ADARB2: variants seen among roughly 807,000 people sequenced by gnomAD.
ADARB2 encodes the protein inactive double-stranded RNA-specific editase B2.
ADARB2 carries 25 observed loss-of-function variants against 62.2 expected under a neutral mutation model. The observed-to-expected ratio is 0.40, with a 90% CI of 0.29 to 0.56. ADARB2 has a LOEUF of 0.56. ADARB2 is among the 20% of genes least tolerant of loss of function. The pLI is 0.43. For missense variants in ADARB2, 1,071 were observed against 1,077.4 expected, an observed-to-expected ratio of 0.99 and a Z score of 0.08; for synonymous variants, 572 against 500.8, an observed-to-expected ratio of 1.14 and a Z score of -1.90.
chr10:1,726,393 A>G (rs1390833270), intron 1 of ADARB2, among the ~76,000 whole-genome samples: 3 of 152,084 alleles, frequency 2.0e-5, no homozygotes, highest in Non-Finnish European at 4.4e-5. Context: ...TGCTGTCTAC[A>G]TAGAAACAAG....
rs527263759 is a variant in ADARB2 at position 1,260,044 on chromosome 10, A to G, written c.1192+10911T>C. 7.1e-4 allele frequency among the ~76,000 whole-genome samples: 108 copies of G among 152,360 alleles called. 1 individual carries two copies. The highest frequency in any genetic ancestry group is 2.5e-3 in the African/African-American group (104 of 41,574). ...CCAGCATATAAACAGAACCAAAGGC[A>G]AAAACCACATGATTATCTCAATAGA... On this transcript the variant is annotated intron_variant, in intron 4 of 9. Transcript: ENST00000381312.
At chr10:1,375,864 GACAC>G (rs201916545) in intron 2 of ADARB2, among the ~76,000 whole-genome samples, 1 of 141,940 alleles carries the variant, frequency 7.0e-6, no homozygotes, top group Non-Finnish European at 1.5e-5. Flanking sequence ...ACATGCACAT[GACAC>G]ACATGCATGT....
At chr10:1,225,557 T>G (rs1830737528) in intron 6 of ADARB2, among the ~76,000 whole-genome samples, 1 of 152,232 alleles carries the variant, frequency 6.6e-6, no homozygotes, top group Non-Finnish European at 1.5e-5. Flanking sequence ...TACCGGTTGT[T>G]CCTTTCCATG....
intron 1 of ADARB2, among the ~76,000 whole-genome samples, chr10:1,438,371 G>GGACA (rs1345569660): frequency 4.4e-5 from 6 of 137,502 alleles, no homozygotes; most frequent in African/African-American, 1.8e-4. Context: ...CTCAGCAGAT[G>GGACA]GAAGGAGGTC....
intron 8 of ADARB2, among the ~76,000 whole-genome samples, chr10:1,191,073 T>A (rs573638924): frequency 6.9e-6 from 1 of 144,694 alleles, no homozygotes; most frequent in South Asian, 2.2e-4. Context: ...CTGAGTAGAA[T>A]GGGGGTTTGC....
chr10:1,501,714 G>T (rs1299394222), intron 1 of ADARB2, among the ~76,000 whole-genome samples: 1 of 152,202 alleles, frequency 6.6e-6, no homozygotes, highest in African/African-American at 2.4e-5. Context: ...AAACTAGCCA[G>T]GGGAATTTAT....
intron 1 of ADARB2, among the ~76,000 whole-genome samples, chr10:1,651,676 C>T (rs750930917): frequency 1.3e-5 from 2 of 152,228 alleles, no homozygotes; most frequent in African/African-American, 2.4e-5. Context: ...GGGCACATTT[C>T]GTGCAGAATA....
chr10:1,696,048 A>C (rs1421433697), intron 1 of ADARB2, among the ~76,000 whole-genome samples: 1 of 152,086 alleles, frequency 6.6e-6, no homozygotes, highest in Non-Finnish European at 1.5e-5. Context: ...GCACATATAC[A>C]TGCACACACA....
At chr10:1,528,034 C>T (rs925064978) in intron 1 of ADARB2, among the ~76,000 whole-genome samples, 3 of 152,208 alleles carry the variant, frequency 2.0e-5, no homozygotes, top group African/African-American at 7.2e-5. Flanking sequence ...ATTCTGCCTC[C>T]ATCAATAACA....
intron 1 of ADARB2, among the ~76,000 whole-genome samples, chr10:1,619,020 G>A (rs1233203606): frequency 6.6e-6 from 1 of 152,160 alleles, no homozygotes; most frequent in Non-Finnish European, 1.5e-5. Flanking sequence ...CTGGCTTGGA[G>A]GAATGAATGG....
intron 3 of ADARB2, among the ~76,000 whole-genome samples, chr10:1,273,164 C>T (rs191466240): frequency 4.6e-5 from 7 of 150,590 alleles, no homozygotes; most frequent in East Asian, 2.0e-4. Context: ...TCTCAGTCAC[C>T]GTCATGGGGT....
At chr10:1,244,845 G>A (rs1012038312) in intron 4 of ADARB2, among the ~76,000 whole-genome samples, 2 of 152,160 alleles carry the variant, frequency 1.3e-5, no homozygotes, top group Admixed American at 1.3e-4. Context: ...TCAGAGGCAC[G>A]GATAGGAAAG....
At chr10:1,320,363 TTAGG>T (rs1831784013) in intron 3 of ADARB2, among the ~76,000 whole-genome samples, 1 of 152,138 alleles carries the variant, frequency 6.6e-6, no homozygotes, top group Non-Finnish European at 1.5e-5. Context: ...TCATCCAGAT[TTAGG>T]GTCTGGTATC....
chr10:1,577,287 G>A (rs1354688160), intron 1 of ADARB2, among the ~76,000 whole-genome samples: 2 of 150,422 alleles, frequency 1.3e-5, no homozygotes, highest in Non-Finnish European at 3.0e-5. Context: ...CACAGAAGGT[G>A]GATGGAAAGA....
At chr10:1,213,179 G>A (rs2131751137) in intron 7 of ADARB2, among the ~76,000 whole-genome samples, 1 of 151,930 alleles carries the variant, frequency 6.6e-6, no homozygotes, top group Non-Finnish European at 1.5e-5. Context: ...AAGCAGACAA[G>A]GACAGAGATA....
chr10:1,558,785 C>A (rs1564330269), intron 1 of ADARB2, among the ~76,000 whole-genome samples: 1 of 152,194 alleles, frequency 6.6e-6, no homozygotes, highest in Non-Finnish European at 1.5e-5. Context: ...TCAGCCCCCG[C>A]ATGCTCCATC....
At chr10:1,605,590 A>G (rs1833485002) in intron 1 of ADARB2, among the ~76,000 whole-genome samples, 1 of 152,212 alleles carries the variant, frequency 6.6e-6, no homozygotes, top group African/African-American at 2.4e-5. Context: ...GATAAGGAAA[A>G]TGCACTTACT....
At chr10:1,735,445 A>T (rs2119053170) in intron 1 of ADARB2, among the ~76,000 whole-genome samples, 1 of 152,312 alleles carries the variant, frequency 6.6e-6, no homozygotes, top group South Asian at 2.1e-4. Context: ...ATTGCGAACT[A>T]TTACTCCACA....
chr10:1,412,479 A>G (rs554126057), intron 1 of ADARB2, among the ~76,000 whole-genome samples: 1 of 152,210 alleles, frequency 6.6e-6, no homozygotes, highest in Non-Finnish European at 1.5e-5. Context: ...TTGCTTTTAA[A>G]ATAGTTCTCT....
Sources: gnomAD v4.1 joint callset for allele counts (sites outside exome capture counted in the v4.1 genomes callset) on GRCh38, gnomAD v4.1.1 for gene constraint, MANE v1.5 for transcripts, NCBI Gene and HGNC (gene_info 2026-07-23, HGNC 2026-07-21) for gene names.